Variants in TPRG1 observed in about 807,000 individuals in gnomAD.
The protein encoded by TPRG1 is tumor protein p63-regulated gene 1 protein.
TPRG1 carries 29 observed loss-of-function variants against 29.3 expected under a neutral mutation model. The observed-to-expected ratio is 0.99, with a 90% confidence interval of 0.74 to 1.35. The LOEUF (loss-of-function observed/expected upper bound fraction) is 1.35, where lower values mean the gene tolerates loss of function less well. Ranked by LOEUF, TPRG1 falls within the 40% of genes most tolerant of loss-of-function variation. The pLI is 0.00. For synonymous variants in TPRG1, 130 were observed against 116.8 expected, an observed-to-expected ratio of 1.11 and a Z score of -0.73; for missense variants, 327 against 335.0, an observed-to-expected ratio of 0.98 and a Z score of 0.19.
intron 4 of TPRG1, among the ~76,000 whole-genome samples, chr3:189,086,139 G>C (rs1717919556): frequency 6.6e-6 from 1 of 152,140 alleles, no homozygotes; most frequent in African/African-American, 2.4e-5. Context: ...AACCACTAGT[G>C]TAGGTCAAAG....
At position 189,050,879 on chromosome 3, in the gene TPRG1, A is replaced by T. The variant is rs139675937; in HGVS notation, c.-463+26933A>T. 1.2e-4 allele frequency among the ~76,000 whole-genome samples: 19 copies of T among 152,330 alleles called. No individual in the cohort carries two copies. In the East Asian group the frequency reaches 3.5e-3, roughly 28 times the overall value. On this transcript the variant is annotated intron_variant, in intron 4 of 10. Transcript: ENST00000433971. ...CAGAAAAAAGCATTCAACAAAATCC[A>T]GCATTCCTTTATGATTGAAACTCTC...
chr3:189,076,327 G>T (rs1717168305), intron 4 of TPRG1, among the ~76,000 whole-genome samples: 1 of 152,138 alleles, frequency 6.6e-6, no homozygotes, highest in South Asian at 2.1e-4. Flanking sequence ...CCAGAGTTTG[G>T]TTCCTGGCTT....
In TPRG1 at chr3:189,306,277, C is replaced by T. The variant is rs556960745; in HGVS notation, c.480-4109C>T. On this transcript the variant is annotated intron_variant, in intron 4 of 5. Coordinates refer to ENST00000345063, the MANE Select transcript of TPRG1 (RefSeq NM_198485.4). ...ATATAATTAAGAAGTTAGGCTTATT[C>T]AGACTGAAGAAAAGAGAATTGAAGA... Among the ~76,000 whole-genome samples the T allele has an allele frequency of 7.2e-5, 11 of 152,270 alleles. No homozygotes were observed. The South Asian group carries it at 2.3e-3, about 32-fold the overall frequency.
At chr3:189,048,022 T>C (rs1169749222) in intron 4 of TPRG1, among the ~76,000 whole-genome samples, 1 of 152,248 alleles carries the variant, frequency 6.6e-6, no homozygotes, top group African/African-American at 2.4e-5. Flanking sequence ...ATGTTCTTAA[T>C]GACATCTAGA....
chr3:189,089,283 ATCT>A (rs1308061705), intron 4 of TPRG1, among the ~76,000 whole-genome samples: 1 of 152,116 alleles, frequency 6.6e-6, no homozygotes, highest in African/African-American at 2.4e-5. Context: ...TATTTTTTCA[ATCT>A]TCTCTTCTGA....
Position 189,145,089 on chromosome 3 carries a change from TG to T in TPRG1, c.-290-2494del. ...AAGTATAAAAATGACACCGGCCGGG[TG>T]CGGTGGCTCAAGCCTGTAATCCCAG... On this transcript the variant is annotated intron_variant, in intron 3 of 6. Transcript: ENST00000412373. Among the ~76,000 whole-genome samples the T allele has an allele frequency of 2.0e-5, 3 of 152,002 alleles. No homozygotes were observed. The South Asian group carries it at 6.2e-4, about 32-fold the overall frequency.
chr3:189,215,298 G>C lies in TPRG1; in HGVS notation c.217G>C (p.Ala73Pro). 3 of 1,611,900 alleles carry C rather than the reference G, an allele frequency of 1.9e-6. No homozygotes were observed. Among genetic ancestry groups the C allele is most frequent in the Non-Finnish European group, 2.5e-6 (3 of 1,179,096 alleles). ...TTTTCTCCTTTCCACACAGCCGGGG[G>C]CCATTGAGACTGCCATGGAAGACTT... ...SRKYFATRPGAIETAMEDLKG... is the reference protein window; with the variant it reads ...SRKYFATRPGPIETAMEDLKG... Residue 73 changes from alanine (A) to proline (P), a missense_variant, in exon 3 of 6, where the codon GCC becomes CCC. Transcript: ENST00000345063.
At chr3:189,282,183 A>G (rs1459616537) in intron 4 of TPRG1, among the ~76,000 whole-genome samples, 1 of 141,808 alleles carries the variant, frequency 7.1e-6, no homozygotes, top group East Asian at 2.1e-4. Context: ...TTCTTAACCC[A>G]GGGCAATGTC....
rs6801871 is a variant in TPRG1, at chr3:189,044,930, G to A, written c.-463+20984G>A. On this transcript the variant is annotated intron_variant, in intron 4 of 10. Coordinates refer to the TPRG1 transcript ENST00000433971. Reference sequence around the variant, plus strand: ...AACATTAGATTTTATGTCGAAGTGTGGTTTGTTTTTTGACAGTGTAATGCT... The same window carrying A: ...AACATTAGATTTTATGTCGAAGTGTAGTTTGTTTTTTGACAGTGTAATGCT... 1.8e-3 allele frequency among the ~76,000 whole-genome samples: 274 copies of A among 152,254 alleles called. 1 individual carries two copies. The highest frequency in any genetic ancestry group is 6.4e-3 in the African/African-American group (265 of 41,544).
Position 189,113,453 on chromosome 3 carries a change from C to T in TPRG1, c.-744+13249C>T, listed in dbSNP as rs902410891. On this transcript the variant is annotated intron_variant, in intron 1 of 6. Coordinates refer to the TPRG1 transcript ENST00000412373. ...TGAGACAGGGCATCCCTGTCTTGTG[C>T]CAGTTTTCAAAGGGAATGCTTCCAG... 1.6e-4 allele frequency among the ~76,000 whole-genome samples: 25 copies of T among 152,156 alleles called. 1 individual carries two copies. Among genetic ancestry groups the T allele is most frequent in the Admixed American group, 2.6e-4 (4 of 15,276 alleles).
intron 4 of TPRG1, among the ~76,000 whole-genome samples, chr3:189,274,889 C>G (rs1419926790): frequency 6.7e-6 from 1 of 148,254 alleles, no homozygotes; most frequent in East Asian, 2.0e-4. Context: ...AAATAATAAA[C>G]AAGAATCACT....
intron 1 of TPRG1, among the ~76,000 whole-genome samples, chr3:189,183,566 A>G (rs1246330489): frequency 6.6e-6 from 1 of 151,954 alleles, no homozygotes; most frequent in Non-Finnish European, 1.5e-5. Flanking sequence ...ATCATAGAAG[A>G]CGACCACACC....
chr3:189,021,368 A>AC (rs1312113627), intron 3 of TPRG1, among the ~76,000 whole-genome samples: 1 of 151,708 alleles, frequency 6.6e-6, no homozygotes, highest in East Asian at 1.9e-4. Flanking sequence ...AGCGGCTGGT[A>AC]CCGGTTGTTC....
chr3:189,313,589 T>G (rs1157440828), intron 5 of TPRG1, among the ~76,000 whole-genome samples: 1 of 152,188 alleles, frequency 6.6e-6, no homozygotes, highest in African/African-American at 2.4e-5. Context: ...TGGAACAAAT[T>G]ATTATTTTAA....
intron 3 of TPRG1, among the ~76,000 whole-genome samples, chr3:189,019,133 T>A (rs1240456432): frequency 6.6e-6 from 1 of 151,380 alleles, no homozygotes; most frequent in East Asian, 1.9e-4. Flanking sequence ...GATTTTGGGC[T>A]GAGACAATGG....
At position 189,285,951 on chromosome 3, in the gene TPRG1, C is replaced by T. The variant is rs114780850; in HGVS notation, c.480-24435C>T. 4.2e-3 allele frequency among the ~76,000 whole-genome samples: 626 copies of T among 150,788 alleles called. 10 individuals carry two copies. The highest frequency in any genetic ancestry group is 6.8e-3 in the Non-Finnish European group (455 of 67,074). On this transcript the variant is annotated intron_variant, in intron 4 of 5. Coordinates refer to ENST00000345063, the MANE Select transcript of TPRG1 (RefSeq NM_198485.4). ...TAGACACTTTTGAGGGATGTTGTCT[C>T]CTGCATGTTAGTCTTGCCTGAGTGA...
At chr3:189,059,721 A>G (rs1715973375) in intron 4 of TPRG1, among the ~76,000 whole-genome samples, 1 of 152,214 alleles carries the variant, frequency 6.6e-6, no homozygotes. Context: ...TAATTTTCTT[A>G]AAATCACATA....
intron 4 of TPRG1, among the ~76,000 whole-genome samples, chr3:189,248,137 T>C (rs1741628883): frequency 6.6e-6 from 1 of 151,900 alleles, no homozygotes; most frequent in African/African-American, 2.4e-5. Context: ...CCTGGTGCTT[T>C]TAAAGGAAGA....
chr3:189,107,906 C>G (rs1720015548), intron 1 of TPRG1, among the ~76,000 whole-genome samples: 1 of 151,532 alleles, frequency 6.6e-6, no homozygotes, highest in South Asian at 2.1e-4. Context: ...AGTATTTTTT[C>G]TCACTTCCTT....
Sources: allele counts gnomAD v4.1 joint callset (sites outside exome capture counted in the v4.1 genomes callset), GRCh38; gene constraint gnomAD v4.1.1; transcripts MANE v1.5; gene names NCBI Gene and HGNC (gene_info 2026-07-23, HGNC 2026-07-21).